DNAH2: variants seen among roughly 807,000 people sequenced by gnomAD.
DNAH2 encodes the protein dynein axonemal heavy chain 2.
Under a neutral mutation model 523.5 loss-of-function variants are expected in DNAH2, and 323 were observed. The observed-to-expected ratio is 0.62, with a 90% CI of 0.56 to 0.68. DNAH2 has a LOEUF of 0.68. DNAH2 is among the 30% of genes least tolerant of loss of function. The probability of loss-of-function intolerance (pLI) is 0.00; values close to 1 mark genes in which losing one functional copy is unlikely to be tolerated. For synonymous variants in DNAH2, 2,093 were observed against 2,177.4 expected (o/e 0.96, Z 1.08); for missense variants, 4,907 against 5,701.5 (o/e 0.86, Z 4.49).
chr17:7,817,845 G>A lies in DNAH2; in HGVS notation c.10225G>A (p.Glu3409Lys). Residue 3409 changes from glutamate (E) to lysine (K), a missense_variant, in exon 67 of 86, where the codon GAA (glutamate) becomes AAA (lysine). By Grantham distance (56) the Glu-to-Lys change is moderately conservative. Coordinates refer to ENST00000572933, the MANE Select transcript of DNAH2 (RefSeq NM_020877.5). ...AQALKWIKNMEGGQGLKIIDL... is the reference protein window; with the variant it reads ...AQALKWIKNMKGGQGLKIIDL... ...GGCCCTGAAATGGATTAAGAACATG[G>A]AAGGAGGCCAGGTGTGAGGCTGGGG... 1 of 1,613,998 alleles carries A rather than the reference G, an allele frequency of 6.2e-7. No homozygotes were observed. Among genetic ancestry groups the A allele is most frequent in the Non-Finnish European group, 8.5e-7 (1 of 1,180,000 alleles).
Position 7,759,009 on chromosome 17 carries a change from A to T in DNAH2, c.2333A>T (p.Glu778Val). The T allele has an allele frequency of 6.2e-7, 1 of 1,614,162 alleles. No individual in the cohort carries two copies. The highest frequency in any genetic ancestry group is 8.5e-7 in the Non-Finnish European group (1 of 1,180,026). Reference sequence around the variant, plus strand: ...CGGGTATACAGGGACCTGGAATTTGAAGAGGACCAAAGAGAGCATCGGGCA... The same window carrying T: ...CGGGTATACAGGGACCTGGAATTTGTAGAGGACCAAAGAGAGCATCGGGCA... Reference protein sequence around the residue: ...GKRVYRDLEFEEDQREHRAAV... With the variant: ...GKRVYRDLEFVEDQREHRAAV... The change falls in exon 15 of 86, where the codon GAA becomes GTA. Residue 778 changes from glutamate to valine, a missense_variant. Around this residue, in one of 3 missense-constraint regions of DNAH2, gnomAD observed 2,806 missense variants for 3,190.8 expected, o/e 0.88. Transcript: ENST00000572933.
chr17:7,817,251 TG>T (rs1400057756), intron 64 of DNAH2, 38 bp from the exon 65 acceptor site: 1 of 1,574,562 alleles, frequency 6.4e-7, no homozygotes, highest in African/African-American at 1.4e-5. Flanking sequence ...CCCAGAGTGC[TG>T]GGGCCCAGGC....
In DNAH2 at chr17:7,758,510, G is replaced by T; in HGVS notation, c.2067G>T (p.Leu689=). The T allele has an allele frequency of 6.2e-7, 1 of 1,613,968 alleles. No individual in the cohort carries two copies. Among genetic ancestry groups the T allele is most frequent in the East Asian group, 2.2e-5 (1 of 44,870 alleles). The change falls in exon 14 of 86, where the codon CTG becomes CTT. Residue 689 remains leucine, a synonymous_variant. Transcript: ENST00000572933. ...ARDYNRIIAM[L]SPDEQALFKE... ...TTATGCACAGGATTATTGCCATGCT[G>T]TCCCCAGATGAGCAGGCCCTATTCA...
rs558595271 is a variant in DNAH2, at chr17:7,802,488, G to C, written c.8972+471G>C. Among the ~76,000 whole-genome samples the C allele has an allele frequency of 2.6e-5, 4 of 152,256 alleles. 1 individual carries two copies. In the South Asian group the frequency reaches 8.3e-4, roughly 32 times the overall value. On this transcript the variant is annotated intron_variant, in intron 58 of 85. Transcript: ENST00000572933. ...GATGCTCCAGTCCCTGATATAGAATGGAGTATCTGCATGTAACTTATGCAC... is the reference window on the plus strand; with the variant it reads ...GATGCTCCAGTCCCTGATATAGAATCGAGTATCTGCATGTAACTTATGCAC...
Position 7,765,613 on chromosome 17 carries a change from C to A in DNAH2, c.3511+48C>A, listed in dbSNP as rs769592571. On this transcript the variant is annotated intron_variant, in intron 21 of 85. Coordinates refer to ENST00000572933, the MANE Select transcript of DNAH2 (RefSeq NM_020877.5). ...CGCTTCTTTAGCCTTTGTTTAGAGA[C>A]CCCGCCTTCCAAGCCCAGGTCCTGG... is the stretch of plus-strand genomic sequence containing the variant. 3.2e-6 allele frequency: 5 copies of A among 1,568,868 alleles called. No individual in the cohort carries two copies. The African/African-American group carries it at 5.4e-5, about 17-fold the overall frequency.
At chr17:7,825,670 G>A (rs968740691) in intron 77 of DNAH2, among the ~76,000 whole-genome samples, 7 of 152,202 alleles carry the variant, frequency 4.6e-5, no homozygotes, top group Non-Finnish European at 8.8e-5. Context: ...CTGGCCCAGC[G>A]TTTCTCATTC....
intron 7 of DNAH2, among the ~76,000 whole-genome samples, chr17:7,736,119 T>C (rs1270709317): frequency 1.3e-5 from 2 of 152,006 alleles, no homozygotes; most frequent in Admixed American, 1.3e-4. Flanking sequence ...AAACTCCTGG[T>C]GATCCTCGGC....
In DNAH2 at chr17:7,765,539, C is replaced by T. The variant is rs751382737; in HGVS notation, c.3485C>T (p.Thr1162Ile). The T allele has an allele frequency of 6.2e-6, 10 of 1,613,842 alleles. No individual in the cohort carries two copies. The highest frequency in any genetic ancestry group is 1.6e-4 in the Middle Eastern group (1 of 6,082). ...SADDFKKKAH[T>I]LLEDFEFKGH... ...GATGACTTCAAGAAGAAAGCACATACACTTCTGGAAGATTTCGAATTCAAA... is the reference window on the plus strand; with the variant it reads ...GATGACTTCAAGAAGAAAGCACATATACTTCTGGAAGATTTCGAATTCAAA... The change falls in exon 21 of 86, where the codon ACA becomes ATA. Residue 1162 changes from threonine (T) to isoleucine (I), a missense_variant. Coordinates refer to ENST00000572933, the MANE Select transcript of DNAH2 (RefSeq NM_020877.5).
intron 11 of DNAH2, among the ~76,000 whole-genome samples, 161 bp from the exon 12 acceptor site, chr17:7,742,767 C>G (rs765183275): frequency 6.6e-6 from 1 of 152,210 alleles, no homozygotes; most frequent in Non-Finnish European, 1.5e-5. Flanking sequence ...TTTGACTCTA[C>G]CTTCCTTCTA....
Position 7,770,632 on chromosome 17 carries a change from C to T in DNAH2, c.4174C>T (p.Arg1392Trp), listed in dbSNP as rs771196566. Residue 1392 changes from arginine to tryptophan, a missense_variant, in exon 26 of 86, where the codon CGG becomes TGG. Physicochemically the swap from Arg to Trp is moderately radical, Grantham distance 101. Around this residue, in one of 3 missense-constraint regions of DNAH2, gnomAD observed 2,806 missense variants for 3,190.8 expected, o/e 0.88. Transcript: ENST00000572933. Reference sequence around the variant, plus strand: ...ACCCTACAAGGATAAGGGCCATCATCGGCTCAGGTCAGGGGAGCTGGGGCT... The same window carrying T: ...ACCCTACAAGGATAAGGGCCATCATTGGCTCAGGTCAGGGGAGCTGGGGCT... ...IVPYKDKGHH[R>W]LRGTEEVFQA... 3.1e-6 allele frequency: 5 copies of T among 1,614,016 alleles called. No homozygotes were observed. The South Asian group carries it at 3.3e-5, about 11-fold the overall frequency.
At chr17:7,755,120 G>T in intron 12 of DNAH2, 1 of 185,604 alleles carries the variant, frequency 5.4e-6, no homozygotes, top group Non-Finnish European at 1.1e-5. Context: ...TCACCTGATG[G>T]CCTTTTATTT....
At chr17:7,810,621 T>G (rs561653054) in intron 63 of DNAH2, among the ~76,000 whole-genome samples, 2 of 152,208 alleles carry the variant, frequency 1.3e-5, no homozygotes, top group Non-Finnish European at 2.9e-5. Flanking sequence ...ACTTCTTACC[T>G]CAAGTGATCT....
At chr17:7,764,988 A>T (rs1412745498) in intron 20 of DNAH2, among the ~76,000 whole-genome samples, 1 of 150,234 alleles carries the variant, frequency 6.7e-6, no homozygotes, top group South Asian at 2.1e-4. Flanking sequence ...GACTACAGGC[A>T]CCTCAAGTGA....
chr17:7,718,921 G>C (rs1313546273), intron 1 of DNAH2, 122 bp downstream of exon 1: 1 of 152,592 alleles, frequency 6.6e-6, no homozygotes, highest in Non-Finnish European at 1.5e-5. Context: ...TGGTTTGCTT[G>C]AATGATTGAA....
In DNAH2 at chr17:7,718,020, A is replaced by T. The variant is rs2074473797; in HGVS notation, c.-794A>T. On this transcript the variant is annotated 5_prime_UTR_variant, in exon 1 of 86. Transcript: ENST00000572933. ...CAGCTGGGGGGGAAGAGCCATTCTG[A>T]GGGGAAATTTGCCTGCTGGTAACCA... 6.6e-6 allele frequency: 1 copy of T among 151,660 alleles called. No individual in the cohort carries two copies. The highest frequency in any genetic ancestry group is 1.5e-5 in the Non-Finnish European group (1 of 67,932). 9.4% of individuals were successfully genotyped at this position (151,660 alleles called of 1,614,324 possible). A position where few individuals can be genotyped will look rare whatever the true frequency, so the allele number is the denominator to read the frequency against.
chr17:7,810,309 C>T (rs1449135119), intron 63 of DNAH2, among the ~76,000 whole-genome samples: 6 of 152,118 alleles, frequency 3.9e-5, no homozygotes, highest in African/African-American at 1.4e-4. Flanking sequence ...AAGTGATCCT[C>T]CTGCCTTGGC....
At position 7,780,899 on chromosome 17, in the gene DNAH2, C is replaced by A; in HGVS notation, c.6003+117C>A. 1.9e-6 allele frequency: 3 copies of A among 1,577,426 alleles called. No individual in the cohort carries two copies. The highest frequency in any genetic ancestry group is 1.7e-6 in the Non-Finnish European group (2 of 1,157,258). On this transcript the variant is annotated intron_variant, in intron 38 of 85. Transcript: ENST00000572933. The surrounding 1 kb of genome is among the most constrained non-coding windows in gnomAD (Gnocchi z 4.4). ...GATTGGGATTCTCACCTTCCCACCT[C>A]GTCCCATCCCCGTGTTGCCCGCTGC... is the stretch of plus-strand genomic sequence containing the variant.
chr17:7,770,758 C>T lies in DNAH2; in HGVS notation c.4187C>T (p.Thr1396Ile). 1 of 1,614,098 alleles carries T rather than the reference C, an allele frequency of 6.2e-7. No individual in the cohort carries two copies. The highest frequency in any genetic ancestry group is 8.5e-7 in the Non-Finnish European group (1 of 1,180,020). Reference sequence around the variant, plus strand: ...TTTGACCCCTTGTGTCTCAGAGGTACAGAAGAAGTATTCCAGGCACTGGAA... The same window carrying T: ...TTTGACCCCTTGTGTCTCAGAGGTATAGAAGAAGTATTCCAGGCACTGGAA... ...KDKGHHRLRG[T>I]EEVFQALEDN... is the part of the protein sequence containing the mutation. Residue 1396 changes from threonine (T) to isoleucine (I), a missense_variant, in exon 27 of 86, where the codon ACA (threonine) becomes ATA (isoleucine). By Grantham distance (89) the Thr-to-Ile change is moderately conservative. Around this residue, in one of 3 missense-constraint regions of DNAH2, gnomAD observed 2,806 missense variants for 3,190.8 expected, o/e 0.88. Transcript: ENST00000572933.
chr17:7,809,971 G>A (rs896257871), intron 63 of DNAH2, among the ~76,000 whole-genome samples: 1 of 151,792 alleles, frequency 6.6e-6, no homozygotes, highest in East Asian at 1.9e-4. Flanking sequence ...TTACAGGTGT[G>A]AGCCACCGTG....
Sources: gnomAD v4.1 joint callset for allele counts (sites outside exome capture counted in the v4.1 genomes callset) on GRCh38, gnomAD v4.1.1 for gene constraint, gnomAD v4.1.1 regional missense constraint, Gnocchi (gnomAD v3.1) non-coding constraint, MANE v1.5 for transcripts, NCBI Gene and HGNC (gene_info 2026-07-23, HGNC 2026-07-21) for gene names.